Variants in KCNMB2 observed in about 807,000 individuals in gnomAD.
The protein encoded by KCNMB2 is potassium calcium-activated channel subfamily M regulatory beta subunit 2, also known as calcium-activated potassium channel subunit beta-2.
A neutral mutation model predicts 24.5 loss-of-function variants in KCNMB2; 9 were observed. The ratio of observed to expected loss-of-function variants is 0.37; its 90% CI spans 0.22 to 0.64. The LOEUF (loss-of-function observed/expected upper bound fraction) is 0.64. Ranked by LOEUF, KCNMB2 falls within the 30% of genes least tolerant of loss-of-function variation. KCNMB2 has a pLI of 0.63. For synonymous variants in KCNMB2, 109 were observed against 104.4 expected, an observed-to-expected ratio of 1.04 and a Z score of -0.27; for missense variants, 226 against 284.3, an observed-to-expected ratio of 0.79 and a Z score of 1.47.
intron 1 of KCNMB2, among the ~76,000 whole-genome samples, chr3:178,740,263 C>T (rs1235209426): frequency 2.0e-5 from 3 of 151,992 alleles, no homozygotes; most frequent in Non-Finnish European, 4.4e-5. Flanking sequence ...GGACTACAGG[C>T]ACCTGCCACC....
chr3:178,843,348 A>T lies in KCNMB2; in HGVS notation c.*411A>T. ...TTGTTTACTAAAGCTACAGCCAAAA[A>T]TATTTTTTTTTCTTATTCTAAACTG... On this transcript the variant is annotated 3_prime_UTR_variant, in exon 5 of 5. Transcript: ENST00000452583. 2.8e-6 allele frequency: 1 copy of T among 360,726 alleles called. No homozygotes were observed. Among genetic ancestry groups the T allele is most frequent in the South Asian group, 2.1e-5 (1 of 48,606 alleles). 22.3% of individuals were successfully genotyped at this position (360,726 alleles called of 1,614,324 possible).
At chr3:178,662,138 G>A (rs1034899536) in intron 1 of KCNMB2, among the ~76,000 whole-genome samples, 4 of 152,182 alleles carry the variant, frequency 2.6e-5, no homozygotes, top group African/African-American at 4.8e-5. Context: ...AAGCACAGGT[G>A]TTTATATGCT....
At chr3:178,580,051 G>C (rs1717141052) in intron 1 of KCNMB2, among the ~76,000 whole-genome samples, 2 of 152,036 alleles carry the variant, frequency 1.3e-5, no homozygotes, top group African/African-American at 4.8e-5. Flanking sequence ...CAAAAACCTG[G>C]CAGACACAAA....
rs74746566 is a variant in KCNMB2 at position 178,729,726 on chromosome 3, T to C, written c.-67-77617T>C. Among the ~76,000 whole-genome samples the C allele has an allele frequency of 5.8e-4, 88 of 152,278 alleles. No individual in the cohort carries two copies. The East Asian group carries it at 0.014, about 24-fold the overall frequency. On this transcript the variant is annotated intron_variant, in intron 1 of 4. Coordinates refer to ENST00000452583, the MANE Select transcript of KCNMB2 (RefSeq NM_181361.3). ...GTGTCATCTCAGCTTGTTAATTGTA[T>C]GTATGTATGAAGCAAATGGTCTTTG...
Position 178,825,666 on chromosome 3 carries a change from C to T in KCNMB2, c.135C>T (p.Asp45=). The change falls in exon 3 of 5, where the codon GAC becomes GAT. Residue 45 remains aspartate, a synonymous_variant. Transcript: ENST00000452583. ...KTVTALKAGE[D]RAILLGLAMM... is the part of the protein sequence containing the mutation. ...TCACAGCACTGAAGGCAGGAGAGGACCGAGCTATTCTCCTGGGACTGGCTA... is the reference window on the plus strand; with the variant it reads ...TCACAGCACTGAAGGCAGGAGAGGATCGAGCTATTCTCCTGGGACTGGCTA... 1 of 1,613,546 alleles carries T rather than the reference C, an allele frequency of 6.2e-7. No homozygotes were observed. Among genetic ancestry groups the T allele is most frequent in the Middle Eastern group, 1.6e-4 (1 of 6,062 alleles).
Position 178,735,594 on chromosome 3 carries a change from C to T in KCNMB2, c.-67-71749C>T, listed in dbSNP as rs559529088. ...CCATGACTTTTTCTAAGCTCAGTTTCCAATCTTTACATATCTAAATCAATA... is the reference window on the plus strand; with the variant it reads ...CCATGACTTTTTCTAAGCTCAGTTTTCAATCTTTACATATCTAAATCAATA... On this transcript the variant is annotated intron_variant, in intron 1 of 4. Coordinates refer to ENST00000452583, the MANE Select transcript of KCNMB2 (RefSeq NM_181361.3). 1.5e-3 allele frequency among the ~76,000 whole-genome samples: 235 copies of T among 152,298 alleles called. 1 individual carries two copies. Among genetic ancestry groups the T allele is most frequent in the African/African-American group, 5.5e-3 (227 of 41,574 alleles).
intron 1 of KCNMB2, among the ~76,000 whole-genome samples, chr3:178,643,786 G>T (rs1044862996): frequency 6.6e-6 from 1 of 152,082 alleles, no homozygotes; most frequent in African/African-American, 2.4e-5. Context: ...CCTCACACAC[G>T]TTGCCTTCTT....
At chr3:178,705,024 A>T (rs144511932) in intron 1 of KCNMB2, among the ~76,000 whole-genome samples, 88 of 151,816 alleles carry the variant, frequency 5.8e-4, no homozygotes, top group Admixed American at 3.4e-3. Context: ...GTTAGCATAA[A>T]CTCTCCTGTA....
Position 178,783,137 on chromosome 3 carries a change from T to G in KCNMB2, c.-67-24206T>G, listed in dbSNP as rs1311378719. Among the ~76,000 whole-genome samples the G allele has an allele frequency of 3.3e-4, 51 of 152,242 alleles. 1 individual carries two copies. In the South Asian group the frequency reaches 0.011, roughly 32 times the overall value. On this transcript the variant is annotated intron_variant, in intron 1 of 4. Coordinates refer to ENST00000452583, the MANE Select transcript of KCNMB2 (RefSeq NM_181361.3). ...CGTTATTTCTGAGGGCTCTGTTCTG[T>G]TCCACTGATCTATATCTCTGTTTTG...
chr3:178,828,973 G>A (rs1714949870), intron 4 of KCNMB2, among the ~76,000 whole-genome samples: 1 of 138,200 alleles, frequency 7.2e-6, no homozygotes, highest in African/African-American at 2.7e-5. Flanking sequence ...GTGTGTGTGT[G>A]TTCTTCACAT....
intron 1 of KCNMB2, among the ~76,000 whole-genome samples, chr3:178,613,373 G>A (rs964558595): frequency 6.6e-6 from 1 of 152,258 alleles, no homozygotes; most frequent in East Asian, 1.9e-4. Context: ...CTTTACACAC[G>A]GTTACAGTGT....
At chr3:178,558,896 G>A (rs929431138) in intron 1 of KCNMB2, 15 of 152,148 alleles carry the variant, frequency 9.9e-5, no homozygotes, top group East Asian at 3.8e-4. Context: ...CTCTTGGGTC[G>A]TCTCATGAGA....
intron 1 of KCNMB2, among the ~76,000 whole-genome samples, chr3:178,697,741 G>A (rs1721934324): frequency 1.3e-5 from 2 of 152,140 alleles, no homozygotes; most frequent in Non-Finnish European, 1.5e-5. Flanking sequence ...GGCTGGTAAT[G>A]GTCTTTCCTT....
At chr3:178,652,814 C>T in intron 1 of KCNMB2, among the ~76,000 whole-genome samples, 1 of 150,586 alleles carries the variant, frequency 6.6e-6, no homozygotes, top group Non-Finnish European at 1.5e-5. Context: ...AAGCATGTGC[C>T]ACCACGCCTG....
At chr3:178,607,028 C>T (rs1718297293) in intron 1 of KCNMB2, among the ~76,000 whole-genome samples, 1 of 152,208 alleles carries the variant, frequency 6.6e-6, no homozygotes, top group Non-Finnish European at 1.5e-5. Flanking sequence ...AAATAAATTT[C>T]TGCTGTTTAT....
At chr3:178,637,475 G>A (rs910313549) in intron 1 of KCNMB2, among the ~76,000 whole-genome samples, 8 of 152,204 alleles carry the variant, frequency 5.3e-5, no homozygotes, top group African/African-American at 1.9e-4. Flanking sequence ...CTGGAAGGGA[G>A]TGGTGAGAAG....
At chr3:178,674,534 T>C (rs1721009178) in intron 1 of KCNMB2, among the ~76,000 whole-genome samples, 1 of 152,170 alleles carries the variant, frequency 6.6e-6, no homozygotes, top group Non-Finnish European at 1.5e-5. Flanking sequence ...TCAAAATAGA[T>C]CCAGAATCTG....
intron 1 of KCNMB2, among the ~76,000 whole-genome samples, chr3:178,719,760 T>A (rs1385565299): frequency 3.3e-5 from 5 of 152,186 alleles, no homozygotes; most frequent in Non-Finnish European, 7.4e-5. Flanking sequence ...GACTCTTTTT[T>A]TGGTGTTTGA....
intron 1 of KCNMB2, among the ~76,000 whole-genome samples, chr3:178,761,409 A>C (rs770641037): frequency 6.6e-6 from 1 of 152,248 alleles, no homozygotes; most frequent in Non-Finnish European, 1.5e-5. Flanking sequence ...TTTCCCCATA[A>C]ATCTTTCTTA....
Sources: allele counts gnomAD v4.1 joint callset (sites outside exome capture counted in the v4.1 genomes callset), GRCh38; gene constraint gnomAD v4.1.1; transcripts MANE v1.5; gene names NCBI Gene and HGNC (gene_info 2026-07-23, HGNC 2026-07-21).